Variants in ZCCHC7 observed in about 807,000 individuals in gnomAD.
The protein encoded by ZCCHC7 is zinc finger CCHC domain-containing protein 7.
A neutral mutation model predicts 52.0 loss-of-function variants in ZCCHC7; 35 were observed. That is an observed-to-expected ratio of 0.67 (90% CI 0.51 to 0.89). The LOEUF (loss-of-function observed/expected upper bound fraction) is 0.89. ZCCHC7 is among the 40% of genes least tolerant of loss of function. ZCCHC7 has a pLI of 0.00. For missense variants in ZCCHC7, 574 were observed against 649.1 expected (o/e 0.88, Z 1.26); for synonymous variants, 217 against 221.5 (o/e 0.98, Z 0.18).
intron 2 of ZCCHC7, among the ~76,000 whole-genome samples, chr9:37,171,054 G>A (rs1265121734): frequency 6.6e-6 from 1 of 152,212 alleles, no homozygotes; most frequent in East Asian, 1.9e-4. Flanking sequence ...TGAAGCAATT[G>A]TAATAGTATG....
intron 2 of ZCCHC7, among the ~76,000 whole-genome samples, chr9:37,195,015 C>T (rs1418805787): frequency 1.4e-5 from 2 of 145,226 alleles, no homozygotes; most frequent in Non-Finnish European, 3.0e-5. Flanking sequence ...GGTGTGATCT[C>T]GGCTCACTGC....
At chr9:37,334,921 T>C (rs1037057793) in intron 6 of ZCCHC7, among the ~76,000 whole-genome samples, 1 of 152,136 alleles carries the variant, frequency 6.6e-6, no homozygotes, top group Non-Finnish European at 1.5e-5. Context: ...AGTGAGTGTT[T>C]AGAAATTTTT....
At chr9:37,126,247 G>A in intron 1 of ZCCHC7, 65 bp from the exon 2 acceptor site, 1 of 1,430,474 alleles carries the variant, frequency 7.0e-7, no homozygotes, top group Non-Finnish European at 9.4e-7. Flanking sequence ...AGGTGATATT[G>A]TTACTTAAAC....
chr9:37,301,624 T>C (rs1588635795), intron 2 of ZCCHC7, among the ~76,000 whole-genome samples: 1 of 152,198 alleles, frequency 6.6e-6, no homozygotes, highest in East Asian at 1.9e-4. Context: ...AGTAAGGGGC[T>C]ATATACCAAC....
chr9:37,168,403 T>G (rs1396868586), intron 2 of ZCCHC7, among the ~76,000 whole-genome samples: 1 of 152,314 alleles, frequency 6.6e-6, no homozygotes, highest in Non-Finnish European at 1.5e-5. Flanking sequence ...ACTTAATGCT[T>G]TAGAGCACAT....
chr9:37,174,281 C>T (rs1195394236), intron 2 of ZCCHC7, among the ~76,000 whole-genome samples: 1 of 152,094 alleles, frequency 6.6e-6, no homozygotes, highest in Non-Finnish European at 1.5e-5. Context: ...TGCACTCCAG[C>T]CTCTAGTCTG....
intron 2 of ZCCHC7, among the ~76,000 whole-genome samples, chr9:37,195,462 T>C (rs1823243488): frequency 1.3e-5 from 2 of 152,184 alleles, no homozygotes; most frequent in African/African-American, 4.8e-5. Flanking sequence ...TTAGCAATGT[T>C]TGTGATGTGG....
At position 37,278,203 on chromosome 9, in the gene ZCCHC7, G is replaced by A. The variant is rs2133551849; in HGVS notation, c.611-23985G>A. Among the ~76,000 whole-genome samples the A allele has an allele frequency of 1.3e-5, 2 of 152,180 alleles. 1 individual carries two copies. The highest frequency in any genetic ancestry group is 4.2e-4 in the South Asian group (2 of 4,812). On this transcript the variant is annotated intron_variant, in intron 2 of 8. Transcript: ENST00000336755. Reference sequence around the variant, plus strand: ...GCCTGCCAAGTAGCTCGGACTGTAGGTGGGTGCCAACACAACTGACTGACA... The same window carrying A: ...GCCTGCCAAGTAGCTCGGACTGTAGATGGGTGCCAACACAACTGACTGACA...
chr9:37,281,616 T>G (rs1827962594), intron 2 of ZCCHC7, among the ~76,000 whole-genome samples: 1 of 152,250 alleles, frequency 6.6e-6, no homozygotes, highest in South Asian at 2.1e-4. Flanking sequence ...TATATCAATC[T>G]CATTTTGAAT....
At chr9:37,251,734 T>A (rs772334742) in intron 2 of ZCCHC7, among the ~76,000 whole-genome samples, 4 of 152,110 alleles carry the variant, frequency 2.6e-5, no homozygotes, top group Non-Finnish European at 4.4e-5. Flanking sequence ...TTCAGCTAAG[T>A]GAAGAGAAAG....
chr9:37,201,012 A>G (rs531307083), intron 2 of ZCCHC7, among the ~76,000 whole-genome samples: 2 of 152,262 alleles, frequency 1.3e-5, no homozygotes, highest in African/African-American at 4.8e-5. Context: ...TAATGGGTAG[A>G]AACTCTCCTG....
At chr9:37,249,476 T>A (rs913854296) in intron 2 of ZCCHC7, among the ~76,000 whole-genome samples, 5 of 147,788 alleles carry the variant, frequency 3.4e-5, no homozygotes, top group East Asian at 2.0e-4. Flanking sequence ...TTTTTTTTTT[T>A]ATTTGTTGTT....
At chr9:37,127,024 G>T (rs1321728011) in intron 2 of ZCCHC7, 82 bp downstream of exon 2, 4 of 1,496,342 alleles carry the variant, frequency 2.7e-6, no homozygotes, top group South Asian at 2.6e-5. Flanking sequence ...GACCAATAGG[G>T]TCTACTCCGT....
upstream of ZCCHC7, among the ~76,000 whole-genome samples, chr9:37,120,309 C>A (rs1055796549): frequency 6.6e-6 from 1 of 152,144 alleles, no homozygotes. Context: ...CTCCTTCGTA[C>A]GAGTCATTCA....
At chr9:37,180,611 G>C (rs1234056457) in intron 2 of ZCCHC7, among the ~76,000 whole-genome samples, 1 of 152,110 alleles carries the variant, frequency 6.6e-6, no homozygotes, top group Middle Eastern at 3.4e-3. Context: ...CATTCTTTTG[G>C]TAACATTTTT....
chr9:37,269,201 A>G (rs750891892), intron 2 of ZCCHC7, among the ~76,000 whole-genome samples: 2 of 152,196 alleles, frequency 1.3e-5, no homozygotes, highest in Admixed American at 1.3e-4. Context: ...AAGATCAGAA[A>G]TTTCAGGCAT....
intron 2 of ZCCHC7, among the ~76,000 whole-genome samples, chr9:37,237,733 G>A (rs1420894367): frequency 6.6e-6 from 1 of 152,178 alleles, no homozygotes; most frequent in Non-Finnish European, 1.5e-5. Context: ...AGTTTAATAT[G>A]CAAGAGTTAT....
intron 2 of ZCCHC7, among the ~76,000 whole-genome samples, chr9:37,191,959 T>C (rs1289798126): frequency 6.6e-6 from 1 of 152,232 alleles, no homozygotes; most frequent in Non-Finnish European, 1.5e-5. Flanking sequence ...TAACAGCAAA[T>C]AATCCTTTAG....
chr9:37,267,935 G>A (rs952347869), intron 2 of ZCCHC7, among the ~76,000 whole-genome samples: 1 of 152,044 alleles, frequency 6.6e-6, no homozygotes, highest in Non-Finnish European at 1.5e-5. Flanking sequence ...GAACTCCTGG[G>A]CTCGAGGGAT....
Sources: gnomAD v4.1 joint callset for allele counts (sites outside exome capture counted in the v4.1 genomes callset) on GRCh38, gnomAD v4.1.1 for gene constraint, MANE v1.5 for transcripts, NCBI Gene and HGNC (gene_info 2026-07-23, HGNC 2026-07-21) for gene names.